DIAPH3: variants seen among roughly 807,000 people sequenced by gnomAD.
DIAPH3 encodes diaphanous related formin 3, also known as protein diaphanous homolog 3.
Under a neutral mutation model 144.3 loss-of-function variants are expected in DIAPH3, and 117 were observed. The ratio of observed to expected loss-of-function variants is 0.81; its 90% CI spans 0.70 to 0.95. The LOEUF (loss-of-function observed/expected upper bound fraction) is 0.95, where lower values mean the gene tolerates loss of function less well. Ranked by LOEUF, DIAPH3 falls within the 40% of genes least tolerant of loss-of-function variation. The probability of loss-of-function intolerance (pLI) is 0.00; values close to 1 mark genes in which losing one functional copy is unlikely to be tolerated. For missense variants in DIAPH3, 1,421 were observed against 1,412.7 expected (o/e 1.01, Z -0.09); for synonymous variants, 519 against 488.9 (o/e 1.06, Z -0.81).
At chr13:59,881,951 G>T (rs2045081592) in intron 20 of DIAPH3, among the ~76,000 whole-genome samples, 4 of 152,092 alleles carry the variant, frequency 2.6e-5, no homozygotes, top group Non-Finnish European at 1.5e-5. Flanking sequence ...ACCTGGAGAA[G>T]GTGCCTGTCT....
At chr13:60,156,939 A>ATTTTTTTTT (rs757042309) in intron 1 of DIAPH3, among the ~76,000 whole-genome samples, 17 of 82,020 alleles carry the variant, frequency 2.1e-4, no homozygotes, top group African/African-American at 3.8e-4. Flanking sequence ...ATATATATAT[A>ATTTTTTTTT]TTTTTTTTTT....
At chr13:60,115,074 A>G (rs1306966666) in intron 2 of DIAPH3, among the ~76,000 whole-genome samples, 1 of 152,192 alleles carries the variant, frequency 6.6e-6, no homozygotes, top group Non-Finnish European at 1.5e-5. Flanking sequence ...AGAAAAGAAA[A>G]TCTTATTAAA....
At chr13:59,971,941 C>T (rs140627546) in intron 15 of DIAPH3, among the ~76,000 whole-genome samples, 34 of 152,296 alleles carry the variant, frequency 2.2e-4, no homozygotes, top group African/African-American at 7.5e-4. Flanking sequence ...TCTGACCACT[C>T]ATTTTACACT....
intron 19 of DIAPH3, among the ~76,000 whole-genome samples, chr13:59,915,214 GAA>G (rs1459584158): frequency 1.3e-5 from 2 of 151,810 alleles, no homozygotes; most frequent in Non-Finnish European, 1.5e-5. Flanking sequence ...AAAACAAACT[GAA>G]AGAGAAAAAA....
intron 20 of DIAPH3, 134 bp downstream of exon 20, chr13:59,911,601 T>A: frequency 1.4e-6 from 1 of 713,914 alleles, no homozygotes; most frequent in Non-Finnish European, 2.5e-6. Flanking sequence ...TATCCTTAAG[T>A]TAAAAAAAAG....
chr13:59,861,183 G>A lies in DIAPH3; in HGVS notation c.2737+224C>T. 2.8e-6 allele frequency: 4 copies of A among 1,406,616 alleles called. No homozygotes were observed. In the South Asian group the frequency reaches 4.6e-5, roughly 16 times the overall value. 87.1% of individuals were successfully genotyped at this position (1,406,616 alleles called of 1,614,324 possible). On this transcript the variant is annotated intron_variant, in intron 22 of 27. Transcript: ENST00000400324. ...TACAAGGTTTAAACTGTAAAACAAAGTATTTTATAATATAAGGCCTCATCA... is the reference window on the plus strand; with the variant it reads ...TACAAGGTTTAAACTGTAAAACAAAATATTTTATAATATAAGGCCTCATCA...
At chr13:59,873,892 A>C (rs2044441762) in intron 21 of DIAPH3, among the ~76,000 whole-genome samples, 1 of 151,850 alleles carries the variant, frequency 6.6e-6, no homozygotes, top group South Asian at 2.1e-4. Context: ...GGCTGGTCTC[A>C]AACTCCTGAC....
chr13:59,818,198 A>G (rs73208955), intron 24 of DIAPH3, among the ~76,000 whole-genome samples: 3,315 of 151,940 alleles, frequency 0.022, 57 homozygotes, highest in Non-Finnish European at 0.032. Flanking sequence ...AACCTGAAAT[A>G]TTTACTATCT....
intron 22 of DIAPH3, among the ~76,000 whole-genome samples, chr13:59,851,834 G>C (rs903120634): frequency 6.6e-6 from 1 of 152,042 alleles, no homozygotes; most frequent in Non-Finnish European, 1.5e-5. Context: ...TGGCCAGGAT[G>C]GTCTCAATCT....
intron 17 of DIAPH3, among the ~76,000 whole-genome samples, chr13:59,961,722 T>C (rs116205319): frequency 0.014 from 2,204 of 152,310 alleles, 53 homozygotes; most frequent in African/African-American, 0.048. Context: ...CGGATCTGTA[T>C]TCCATTCAGA....
chr13:59,742,917 T>G (rs1211292338), intron 27 of DIAPH3, among the ~76,000 whole-genome samples: 1 of 152,168 alleles, frequency 6.6e-6, no homozygotes. Flanking sequence ...ATTTTGAATC[T>G]TAATGAAATG....
chr13:59,733,764 C>T (rs577167460), intron 27 of DIAPH3, among the ~76,000 whole-genome samples: 10 of 152,328 alleles, frequency 6.6e-5, no homozygotes, highest in Non-Finnish European at 1.3e-4. Context: ...GAATACGACA[C>T]TTCCCTCTTC....
At chr13:59,753,430 C>T (rs892664077) in intron 27 of DIAPH3, among the ~76,000 whole-genome samples, 5 of 152,110 alleles carry the variant, frequency 3.3e-5, no homozygotes, top group African/African-American at 9.7e-5. Flanking sequence ...TTTTGTTATA[C>T]TGAGTTTTTT....
At chr13:60,089,614 T>G (rs765278485) in intron 4 of DIAPH3, among the ~76,000 whole-genome samples, 4 of 152,210 alleles carry the variant, frequency 2.6e-5, no homozygotes, top group Non-Finnish European at 5.9e-5. Flanking sequence ...CATCACATCC[T>G]GCTATCAAGG....
At chr13:60,103,154 C>G (rs7981981) in intron 3 of DIAPH3, among the ~76,000 whole-genome samples, 1 of 151,470 alleles carries the variant, frequency 6.6e-6, no homozygotes, top group African/African-American at 2.4e-5. Flanking sequence ...TTAGCAAAAC[C>G]GAGGTGGGGG....
intron 9 of DIAPH3, among the ~76,000 whole-genome samples, chr13:60,002,501 A>G (rs2052583464): frequency 6.6e-6 from 1 of 152,214 alleles, no homozygotes; most frequent in Non-Finnish European, 1.5e-5. Flanking sequence ...GCCTACTGCT[A>G]TTGCTGTGAG....
rs78962604 is a variant in DIAPH3 at position 59,833,868 on chromosome 13, A to T, written c.2863-597T>A. On this transcript the variant is annotated intron_variant, in intron 23 of 27. Coordinates refer to ENST00000400324, the MANE Select transcript of DIAPH3 (RefSeq NM_001042517.2). ...AAAAGTGGGCATTTAGTAGCACACA[A>T]AAATACTTGTTATCATCATCCCTCA... Among the ~76,000 whole-genome samples the T allele has an allele frequency of 2.4e-3, 367 of 151,852 alleles. 9 individuals carry two copies. The East Asian group carries it at 0.058, about 24-fold the overall frequency.
intron 27 of DIAPH3, among the ~76,000 whole-genome samples, chr13:59,752,297 A>AC (rs2037047844): frequency 2.6e-5 from 4 of 151,724 alleles, no homozygotes; most frequent in African/African-American, 9.7e-5. Context: ...AACTAAGTAG[A>AC]CCCCTATAGG....
At chr13:60,107,754 C>A (rs1051707199) in intron 3 of DIAPH3, among the ~76,000 whole-genome samples, 1 of 152,128 alleles carries the variant, frequency 6.6e-6, no homozygotes, top group Non-Finnish European at 1.5e-5. Flanking sequence ...TTAAGTACTT[C>A]GTGCAATTTT....
Sources: allele counts gnomAD v4.1 joint callset (sites outside exome capture counted in the v4.1 genomes callset), GRCh38; gene constraint gnomAD v4.1.1; transcripts MANE v1.5; gene names NCBI Gene and HGNC (gene_info 2026-07-23, HGNC 2026-07-21).